The following PPP4R2 variants were observed in gnomAD, a reference collection of about 807,000 sequenced individuals.
PPP4R2 encodes serine/threonine-protein phosphatase 4 regulatory subunit 2.
A neutral mutation model predicts 47.2 loss-of-function variants in PPP4R2; 13 were observed. That is an observed-to-expected ratio of 0.28 (90% CI 0.18 to 0.44). The LOEUF (loss-of-function observed/expected upper bound fraction) is 0.44. Ranked by LOEUF, PPP4R2 falls within the 20% of genes least tolerant of loss-of-function variation. The probability of loss-of-function intolerance (pLI) is 1.00; values close to 1 mark genes in which losing one functional copy is unlikely to be tolerated. For missense variants in PPP4R2, 421 were observed against 491.2 expected (o/e 0.86, Z 1.35); for synonymous variants, 151 against 163.3 (o/e 0.92, Z 0.57).
Position 73,066,239 on chromosome 3 carries a change from C to CATATATATATATATATATATATAT in PPP4R2, c.*540_*541insTATATATATATATATATATATATA, listed in dbSNP as rs148662984. On this transcript the variant is annotated 3_prime_UTR_variant, in exon 9 of 9. Transcript: ENST00000356692. The stretch of plus-strand genomic sequence containing the variant: ...TGGAACTTTAAGTCATATATACATA[C>CATATATATATATATATATATATAT]ATATATATATATATATATATATAAT... The CATATATATATATATATATATATAT allele has an allele frequency of 1.4e-4, 19 of 134,110 alleles. No homozygotes were observed. The highest frequency in any genetic ancestry group is 2.5e-4 in the Non-Finnish European group (16 of 62,772). The allele number at this position is 134,110 out of a possible 1,614,324, so 8.3% of individuals were successfully genotyped here.
At chr3:73,058,947 T>C in intron 3 of PPP4R2, 90 bp from the exon 4 acceptor site, 1 of 729,398 alleles carries the variant, frequency 1.4e-6, no homozygotes, top group South Asian at 1.7e-5. Flanking sequence ...CATGGGTGAC[T>C]AGATACAGCT....
At chr3:73,049,694 A>C (rs971303856) in intron 3 of PPP4R2, among the ~76,000 whole-genome samples, 1 of 151,432 alleles carries the variant, frequency 6.6e-6, no homozygotes. Flanking sequence ...GTAATAGCAA[A>C]TACCATTTTC....
intron 2 of PPP4R2, among the ~76,000 whole-genome samples, chr3:73,017,976 A>G (rs1253251473): frequency 6.6e-6 from 1 of 152,086 alleles, no homozygotes; most frequent in Non-Finnish European, 1.5e-5. Context: ...TATTAACAAT[A>G]TTTTGTTACT....
At chr3:73,032,933 A>C (rs1421481207) in intron 2 of PPP4R2, among the ~76,000 whole-genome samples, 1 of 152,052 alleles carries the variant, frequency 6.6e-6, no homozygotes, top group African/African-American at 2.4e-5. Context: ...TCTCTTGTTG[A>C]GCCTTCTTAA....
At chr3:73,053,229 C>G (rs1214734926) in intron 3 of PPP4R2, among the ~76,000 whole-genome samples, 2 of 152,150 alleles carry the variant, frequency 1.3e-5, no homozygotes, top group African/African-American at 4.8e-5. Flanking sequence ...CTGTCTCTCT[C>G]ACATACACAA....
chr3:73,004,321 A>C (rs1474161654), intron 2 of PPP4R2, among the ~76,000 whole-genome samples: 3 of 151,648 alleles, frequency 2.0e-5, no homozygotes, highest in Admixed American at 2.0e-4. Flanking sequence ...AATTATAGGC[A>C]TGAGCCACCG....
chr3:73,008,716 A>G (rs1274291409), intron 2 of PPP4R2, among the ~76,000 whole-genome samples: 3 of 152,232 alleles, frequency 2.0e-5, no homozygotes, highest in Non-Finnish European at 4.4e-5. Flanking sequence ...TAAAGTATAT[A>G]GCTATAGATA....
At chr3:73,046,109 A>G (rs2035812) in intron 2 of PPP4R2, among the ~76,000 whole-genome samples, 68,428 of 152,002 alleles carry the variant, frequency 0.45, 15,650 homozygotes, top group South Asian at 0.56. Context: ...GGCTTCTGCT[A>G]CAGCTAGTAA....
intron 5 of PPP4R2, chr3:73,063,222 G>A (rs1056859978): frequency 1.1e-5 from 4 of 352,244 alleles, no homozygotes; most frequent in Middle Eastern, 7.3e-4. Flanking sequence ...CACTCCCTTT[G>A]CTTCAAATGG....
rs1702932083 is a variant in PPP4R2, at chr3:73,064,082, G to A, written c.574G>A (p.Gly192Arg). The A allele has an allele frequency of 1.2e-6, 2 of 1,613,518 alleles. No homozygotes were observed. The change falls in exon 7 of 9, where the codon GGG (glycine) becomes AGG (arginine). Residue 192 changes from glycine to arginine, a missense_variant. This residue lies in a region of PPP4R2 where 317 missense variants were observed against 287.5 expected (regional missense o/e 1.10). Transcript: ENST00000356692. ...VSLSAPMTTNGLPESTDSKEA... is the reference protein window; with the variant it reads ...VSLSAPMTTNRLPESTDSKEA... ...TTTGTCAGCCCCCATGACAACAAAT[G>A]GGTTGCCTGAGAGCACAGACAGCAA...
intron 2 of PPP4R2, among the ~76,000 whole-genome samples, chr3:73,005,711 G>C (rs115149025): frequency 0.014 from 2,185 of 151,782 alleles, 68 homozygotes; most frequent in African/African-American, 0.05. Flanking sequence ...TGCTGGGTGC[G>C]GTGCATGCTT....
At position 73,028,442 on chromosome 3, in the gene PPP4R2, AGAT is replaced by A. The variant is rs376312880; in HGVS notation, c.117-18743_117-18741del. The stretch of plus-strand genomic sequence containing the variant: ...GGGAGTCAGCCGTGCAATATATAGA[AGAT>A]AAATCCAGGTAGAAGACTTTTTTTG... On this transcript the variant is annotated intron_variant, in intron 2 of 8. Coordinates refer to ENST00000356692, the MANE Select transcript of PPP4R2 (RefSeq NM_174907.4). Among the ~76,000 whole-genome samples the A allele has an allele frequency of 6.3e-3, 964 of 152,116 alleles. 8 individuals carry two copies. The highest frequency in any genetic ancestry group is 0.022 in the African/African-American group (912 of 41,512).
chr3:73,063,005 A>T, intron 5 of PPP4R2: 1 of 1,033,486 alleles, frequency 9.7e-7, no homozygotes, highest in Non-Finnish European at 1.4e-6. Flanking sequence ...CTGAGATCCC[A>T]GTCTTTGAGG....
At position 73,065,152 on chromosome 3, in the gene PPP4R2, A is replaced by AC. The variant is rs1406277062; in HGVS notation, c.928+13dup. 6.3e-6 allele frequency: 10 copies of AC among 1,587,890 alleles called. No individual in the cohort carries two copies. The highest frequency in any genetic ancestry group is 8.6e-6 in the Non-Finnish European group (10 of 1,169,180). On this transcript the variant is annotated intron_variant, in intron 8 of 8. Transcript: ENST00000356692. ...AAGAGGAAGAAGAAGGTATTTAGAG[A>AC]CCATCTGTAAAAGGGTGGAGTAAGG...
At chr3:73,000,449 C>T (rs1348353876) in intron 2 of PPP4R2, among the ~76,000 whole-genome samples, 1 of 152,168 alleles carries the variant, frequency 6.6e-6, no homozygotes, top group East Asian at 1.9e-4. Flanking sequence ...ACCCCCCAGG[C>T]TGCTTAGTTT....
At chr3:73,016,044 G>A (rs890160313) in intron 2 of PPP4R2, 1 of 166,044 alleles carries the variant, frequency 6.0e-6, no homozygotes, top group Non-Finnish European at 1.3e-5. Context: ...TGGGAATACA[G>A]GTGTGAGCCA....
intron 2 of PPP4R2, among the ~76,000 whole-genome samples, chr3:73,021,890 A>ATC (rs1701967938): frequency 6.8e-5 from 1 of 14,642 alleles, no homozygotes; most frequent in South Asian, 6.3e-3. Flanking sequence ...GTATATATGC[A>ATC]TATATATATA....
At chr3:73,022,921 G>C (rs1349632721) in intron 2 of PPP4R2, among the ~76,000 whole-genome samples, 2 of 152,060 alleles carry the variant, frequency 1.3e-5, no homozygotes, top group Admixed American at 6.6e-5. Flanking sequence ...AGACTTCTGA[G>C]TATTCAGTGT....
chr3:73,054,078 C>T (rs1575882311), intron 3 of PPP4R2, among the ~76,000 whole-genome samples: 1 of 151,992 alleles, frequency 6.6e-6, no homozygotes, highest in South Asian at 2.1e-4. Context: ...CAACCATGCC[C>T]GGCTAATTTT....
Sources: allele counts gnomAD v4.1 joint callset (sites outside exome capture counted in the v4.1 genomes callset), GRCh38; gene constraint gnomAD v4.1.1; regional missense constraint gnomAD v4.1.1; transcripts MANE v1.5; gene names NCBI Gene and HGNC (gene_info 2026-07-23, HGNC 2026-07-21).